EMCN: variants seen among roughly 807,000 people sequenced by gnomAD.
The protein encoded by EMCN is MUC-14.
EMCN carries 37 observed loss-of-function variants against 38.4 expected under a neutral mutation model. The ratio of observed to expected loss-of-function variants is 0.96; its 90% CI spans 0.74 to 1.27. The LOEUF is 1.27. EMCN is among the 50% of genes most tolerant of loss of function. The pLI is 0.00. For missense variants in EMCN, 318 were observed against 302.8 expected (o/e 1.05, Z -0.37); for synonymous variants, 95 against 100.8 (o/e 0.94, Z 0.35).
chr4:100,456,797 T>C (rs977313052), intron 4 of EMCN, among the ~76,000 whole-genome samples: 3 of 152,192 alleles, frequency 2.0e-5, no homozygotes, highest in Admixed American at 6.5e-5. Context: ...GTTGAGATAG[T>C]TCACTTTCTG....
At chr4:100,452,616 T>G (rs559420435) in intron 4 of EMCN, among the ~76,000 whole-genome samples, 2 of 152,080 alleles carry the variant, frequency 1.3e-5, no homozygotes, top group Non-Finnish European at 2.9e-5. Flanking sequence ...GTGCAAGATA[T>G]CTCCTTTAAA....
chr4:100,399,571 T>C (rs183569274), intron 11 of EMCN, among the ~76,000 whole-genome samples: 2 of 152,230 alleles, frequency 1.3e-5, no homozygotes, highest in South Asian at 2.1e-4. Flanking sequence ...CCGTGACTTC[T>C]TCCCAGAGCA....
At position 100,476,436 on chromosome 4, in the gene EMCN, G is replaced by A. The variant is rs113052623; in HGVS notation, c.188-1327C>T. Among the ~76,000 whole-genome samples, 63 of 152,004 alleles carry A rather than the reference G, an allele frequency of 4.1e-4. 2 individuals carry two copies. The highest frequency in any genetic ancestry group is 1.3e-3 in the African/African-American group (52 of 41,476). On this transcript the variant is annotated intron_variant, in intron 2 of 11. Coordinates refer to ENST00000296420, the MANE Select transcript of EMCN (RefSeq NM_016242.4). Reference sequence around the variant, plus strand: ...AGTGCTGAGATTACAGGTGTGAGCCGCAGCACCCGGCCCCTCTTCTTTGTT... The same window carrying A: ...AGTGCTGAGATTACAGGTGTGAGCCACAGCACCCGGCCCCTCTTCTTTGTT...
At chr4:100,423,170 G>A (rs888617372) in intron 6 of EMCN, 90 bp from the exon 7 acceptor site, 1 of 1,402,510 alleles carries the variant, frequency 7.1e-7, no homozygotes, top group South Asian at 1.2e-5. Flanking sequence ...AAACAGCCAT[G>A]ATTTGTAGGT....
chr4:100,469,479 A>ATTATTCCAGCTTCATTT (rs767819648), intron 3 of EMCN, among the ~76,000 whole-genome samples: 8 of 122,480 alleles, frequency 6.5e-5, no homozygotes, highest in South Asian at 2.5e-4. Context: ...CAATTAGCAA[A>ATTATTCCAGCTTCATTT]ATGAAAAAGC....
intron 1 of EMCN, among the ~76,000 whole-genome samples, chr4:100,498,049 G>A (rs892297008): frequency 6.6e-6 from 1 of 152,016 alleles, no homozygotes. Flanking sequence ...TCTTATTACA[G>A]CAGGAATTCA....
At chr4:100,456,851 T>C (rs912567249) in intron 4 of EMCN, among the ~76,000 whole-genome samples, 3 of 152,178 alleles carry the variant, frequency 2.0e-5, no homozygotes, top group Admixed American at 2.0e-4. Context: ...AAATTGTTTG[T>C]TAATCATATT....
At chr4:100,406,204 C>G (rs1342699867) in intron 11 of EMCN, among the ~76,000 whole-genome samples, 1 of 151,860 alleles carries the variant, frequency 6.6e-6, no homozygotes, top group Admixed American at 6.6e-5. Flanking sequence ...TTTTGTTGAT[C>G]TTTTGCATAG....
In EMCN at chr4:100,482,500, T is replaced by C. The variant is rs910099185; in HGVS notation, c.65-2461A>G. ...GGAGCTAGGGCTGGAAGAGTAATAA[T>C]ATATCCATGCAGGGAGAGGAAAGGG... is the stretch of plus-strand genomic sequence containing the variant. On this transcript the variant is annotated intron_variant, in intron 1 of 11. Coordinates refer to ENST00000296420, the MANE Select transcript of EMCN (RefSeq NM_016242.4). Among the ~76,000 whole-genome samples the C allele has an allele frequency of 3.3e-5, 5 of 152,214 alleles. No homozygotes were observed. The South Asian group carries it at 1.0e-3, about 32-fold the overall frequency.
Position 100,423,063 on chromosome 4 carries a change from C to G in EMCN, c.526G>C (p.Gly176Arg). ...SQSQVIGTEG[G>R]KNASTSATSR... is the part of the protein sequence containing the mutation. ...GTTGCTGAAGTGCTTGCATTTTTTC[C>G]ACCCTCAGTGCCTATTACTTTAAGA... The change falls in exon 7 of 12, where the codon GGA becomes CGA. Residue 176 changes from glycine to arginine, a missense_variant. Coordinates refer to ENST00000296420, the MANE Select transcript of EMCN (RefSeq NM_016242.4). 1 of 1,612,924 alleles carries G rather than the reference C, an allele frequency of 6.2e-7. No homozygotes were observed. Among genetic ancestry groups the G allele is most frequent in the Non-Finnish European group, 8.5e-7 (1 of 1,179,340 alleles).
chr4:100,482,198 A>G (rs1220934221), intron 1 of EMCN, among the ~76,000 whole-genome samples: 2 of 152,144 alleles, frequency 1.3e-5, no homozygotes, highest in East Asian at 3.9e-4. Flanking sequence ...GTAGTAGATT[A>G]CAGTCAGAGC....
intron 5 of EMCN, among the ~76,000 whole-genome samples, chr4:100,429,497 C>G (rs948893789): frequency 6.6e-6 from 1 of 152,122 alleles, no homozygotes; most frequent in Admixed American, 6.6e-5. Context: ...AATTCCCGCT[C>G]TCATCTGACC....
chr4:100,413,568 A>G (rs990221794), intron 10 of EMCN, among the ~76,000 whole-genome samples: 1 of 152,186 alleles, frequency 6.6e-6, no homozygotes, highest in African/African-American at 2.4e-5. Flanking sequence ...AGTTCTGTTA[A>G]TGATAGACTT....
intron 4 of EMCN, among the ~76,000 whole-genome samples, chr4:100,450,954 T>A (rs929619852): frequency 1.6e-4 from 25 of 151,962 alleles, no homozygotes; most frequent in African/African-American, 5.5e-4. Flanking sequence ...CCTTTTCAGC[T>A]TTCTTGCAGT....
At chr4:100,463,349 C>A (rs2110261348) in intron 4 of EMCN, among the ~76,000 whole-genome samples, 1 of 152,220 alleles carries the variant, frequency 6.6e-6, no homozygotes, top group East Asian at 1.9e-4. Context: ...ACCGCAGACT[C>A]CCACTACTAA....
chr4:100,447,773 T>C (rs1727719063), intron 4 of EMCN, among the ~76,000 whole-genome samples: 1 of 152,110 alleles, frequency 6.6e-6, no homozygotes, highest in Non-Finnish European at 1.5e-5. Flanking sequence ...CAACCGATTT[T>C]TCCCTTAAGG....
rs567875164 is a variant in EMCN at position 100,440,395 on chromosome 4, G to A, written c.415+7138C>T. The stretch of plus-strand genomic sequence containing the variant: ...TTTGTATTCCTAGCCTCACTCCCAC[G>A]TTCCCCCTTCTGAGCCTCTAAAGTT... On this transcript the variant is annotated intron_variant, in intron 5 of 11. Transcript: ENST00000296420. Among the ~76,000 whole-genome samples, 100 of 151,926 alleles carry A rather than the reference G, an allele frequency of 6.6e-4. 6 individuals are homozygous for A. The South Asian group carries it at 0.02, about 30-fold the overall frequency.
intron 11 of EMCN, among the ~76,000 whole-genome samples, chr4:100,407,842 C>T (rs998529267): frequency 1.3e-5 from 2 of 152,118 alleles, no homozygotes; most frequent in Non-Finnish European, 2.9e-5. Flanking sequence ...GCTTTCTTTC[C>T]CTGTCTTTCA....
intron 4 of EMCN, among the ~76,000 whole-genome samples, chr4:100,457,873 C>T (rs771628377): frequency 5.9e-5 from 9 of 152,038 alleles, no homozygotes; most frequent in Admixed American, 1.3e-4. Flanking sequence ...AATCCCAGGA[C>T]GTTGGGAGGC....
Sources: allele counts gnomAD v4.1 joint callset (sites outside exome capture counted in the v4.1 genomes callset), GRCh38; gene constraint gnomAD v4.1.1; transcripts MANE v1.5; gene names NCBI Gene and HGNC (gene_info 2026-07-23, HGNC 2026-07-21).